CRACR2A: variants seen among roughly 807,000 people sequenced by gnomAD.
The protein encoded by CRACR2A is calcium release activated channel regulator 2A, also known as EF-hand calcium-binding domain-containing protein 4B.
CRACR2A carries 79 observed loss-of-function variants against 90.5 expected under a neutral mutation model. That is an observed-to-expected ratio of 0.87 (90% CI 0.73 to 1.05). CRACR2A has a LOEUF of 1.05. CRACR2A is among the 50% of genes least tolerant of loss of function. The probability of loss-of-function intolerance (pLI) is 0.00; values close to 1 mark genes in which losing one functional copy is unlikely to be tolerated. For missense variants in CRACR2A, 823 were observed against 897.2 expected, an observed-to-expected ratio of 0.92 and a Z score of 1.06; for synonymous variants, 338 against 356.7, an observed-to-expected ratio of 0.95 and a Z score of 0.59.
chr12:3,716,242 T>A (rs1199093773), intron 2 of CRACR2A, among the ~76,000 whole-genome samples: 1 of 152,226 alleles, frequency 6.6e-6, no homozygotes, highest in Non-Finnish European at 1.5e-5. Context: ...ACATTTGCTT[T>A]AACTGGGCCA....
At chr12:3,657,041 A>AG (rs1431014768) in intron 8 of CRACR2A, among the ~76,000 whole-genome samples, 2 of 152,278 alleles carry the variant, frequency 1.3e-5, no homozygotes, top group East Asian at 3.9e-4. Flanking sequence ...GCAGGTGAGA[A>AG]GGGGCCTGGC....
intron 17 of CRACR2A, among the ~76,000 whole-genome samples, chr12:3,625,021 T>C (rs926464587): frequency 1.3e-5 from 2 of 152,224 alleles, no homozygotes; most frequent in Non-Finnish European, 2.9e-5. Flanking sequence ...GCTCCACGTG[T>C]GATCCTGATG....
chr12:3,734,209 C>T (rs1417898667), intron 1 of CRACR2A, among the ~76,000 whole-genome samples: 3 of 151,900 alleles, frequency 2.0e-5, no homozygotes, highest in Non-Finnish European at 4.4e-5. Context: ...TATCTCCTGA[C>T]CTCGTGATCT....
At chr12:3,694,043 G>A (rs1199664673) in intron 4 of CRACR2A, among the ~76,000 whole-genome samples, 5 of 152,112 alleles carry the variant, frequency 3.3e-5, no homozygotes, top group African/African-American at 7.2e-5. Flanking sequence ...GAGTTGTTGG[G>A]GGCTGGGAAT....
At chr12:3,637,465 C>A (rs796115356) in intron 14 of CRACR2A, among the ~76,000 whole-genome samples, 69 of 152,254 alleles carry the variant, frequency 4.5e-4, no homozygotes, top group African/African-American at 1.5e-3. Flanking sequence ...TCAATCTTTT[C>A]TTCTTTAATT....
At chr12:3,741,329 C>A (rs16930752) in intron 1 of CRACR2A, among the ~76,000 whole-genome samples, 21,947 of 152,128 alleles carry the variant, frequency 0.14, 1,725 homozygotes, top group Middle Eastern at 0.17. Context: ...AATCACCTAA[C>A]TGAATTGTGC....
At chr12:3,689,564 C>CT (rs2137663970) in intron 4 of CRACR2A, among the ~76,000 whole-genome samples, 1 of 152,232 alleles carries the variant, frequency 6.6e-6, no homozygotes, top group African/African-American at 2.4e-5. Flanking sequence ...GGTGAGTAAG[C>CT]TTTTTGGTGT....
chr12:3,652,455 T>TG (rs924281737), intron 10 of CRACR2A, among the ~76,000 whole-genome samples: 1 of 152,182 alleles, frequency 6.6e-6, no homozygotes, highest in African/African-American at 2.4e-5. Flanking sequence ...GGAGTTTTTT[T>TG]GTTTTTGCTT....
In CRACR2A at chr12:3,685,948, G is replaced by A. The variant is rs141674514; in HGVS notation, c.229-5599C>T. Among the ~76,000 whole-genome samples, 148 of 152,316 alleles carry A rather than the reference G, an allele frequency of 9.7e-4. 1 individual carries two copies. The highest frequency in any genetic ancestry group is 3.4e-3 in the African/African-American group (141 of 41,570). ...CAATGCAGAGGACATCAGGTACTGG[G>A]CTAAGATGTGGCACATACACAGTGC... On this transcript the variant is annotated intron_variant, in intron 4 of 19. Coordinates refer to ENST00000440314, the MANE Select transcript of CRACR2A (RefSeq NM_001144958.2).
At position 3,619,296 on chromosome 12, in the gene CRACR2A, C is replaced by T. The variant is rs1243631236; in HGVS notation, c.2009G>A (p.Arg670Gln). The change falls in exon 18 of 20, where the codon CGG (arginine) becomes CAG (glutamine). Residue 670 changes from arginine to glutamine, a missense_variant. By Grantham distance (43) the Arg-to-Gln change is conservative (BLOSUM62 1). Coordinates refer to ENST00000440314, the MANE Select transcript of CRACR2A (RefSeq NM_001144958.2). Reference protein sequence around the residue: ...LDNEKEREVPRGLGEQLATEN... With the variant: ...LDNEKEREVPQGLGEQLATEN... The stretch of plus-strand genomic sequence containing the variant: ...CGTGGCAAGCTGCTCTCCGAGGCCC[C>T]GGGGGACTTCCCGCTCCTTCTCGTT... 9.0e-6 allele frequency: 14 copies of T among 1,551,528 alleles called. No individual in the cohort carries two copies. Among genetic ancestry groups the T allele is most frequent in the South Asian group, 4.8e-5 (4 of 84,064 alleles).
intron 1 of CRACR2A, among the ~76,000 whole-genome samples, chr12:3,737,809 C>T (rs1946468810): frequency 6.6e-6 from 1 of 152,202 alleles, no homozygotes; most frequent in African/African-American, 2.4e-5. Context: ...CCTTTGAATT[C>T]CAAGGCATCA....
At chr12:3,656,894 C>A (rs150608270) in intron 8 of CRACR2A, among the ~76,000 whole-genome samples, 37 of 152,336 alleles carry the variant, frequency 2.4e-4, no homozygotes, top group African/African-American at 8.9e-4. Context: ...AAACACAGGG[C>A]CATTTCCTCT....
chr12:3,665,922 G>C (rs1368634534), intron 7 of CRACR2A, among the ~76,000 whole-genome samples: 1 of 152,186 alleles, frequency 6.6e-6, no homozygotes, highest in African/African-American at 2.4e-5. Context: ...GCATCTAAGA[G>C]TACTGAGCCC....
At chr12:3,681,801 C>G (rs1241398295) in intron 4 of CRACR2A, among the ~76,000 whole-genome samples, 1 of 152,212 alleles carries the variant, frequency 6.6e-6, no homozygotes, top group African/African-American at 2.4e-5. Context: ...GCAGTTCTAG[C>G]TGATAAGCCA....
At chr12:3,672,571 C>G (rs1945264441) in intron 7 of CRACR2A, among the ~76,000 whole-genome samples, 1 of 152,226 alleles carries the variant, frequency 6.6e-6, no homozygotes, top group Non-Finnish European at 1.5e-5. Context: ...TATGAACCAT[C>G]CCTAGTCATA....
At chr12:3,650,843 T>C (rs1263755939) in intron 10 of CRACR2A, among the ~76,000 whole-genome samples, 1 of 152,230 alleles carries the variant, frequency 6.6e-6, no homozygotes, top group Non-Finnish European at 1.5e-5. Context: ...ACATATGTAT[T>C]AGAAATACAT....
chr12:3,696,730 C>G, intron 4 of CRACR2A, 42 bp downstream of exon 4: 1 of 1,612,762 alleles, frequency 6.2e-7, no homozygotes, highest in South Asian at 1.1e-5. Context: ...AGGAAGACAT[C>G]TGGCATTCTC....
intron 2 of CRACR2A, among the ~76,000 whole-genome samples, chr12:3,718,272 C>T (rs1326794292): frequency 6.6e-6 from 1 of 152,206 alleles, no homozygotes; most frequent in Admixed American, 6.5e-5. Flanking sequence ...TAGGTCAGGA[C>T]CCAGGGGCGT....
At chr12:3,683,425 G>A (rs892350824) in intron 4 of CRACR2A, among the ~76,000 whole-genome samples, 1 of 152,138 alleles carries the variant, frequency 6.6e-6, no homozygotes, top group African/African-American at 2.4e-5. Context: ...GTGGGCCAGG[G>A]AAAAAGAGAG....
Sources: gnomAD v4.1 joint callset for allele counts (sites outside exome capture counted in the v4.1 genomes callset) on GRCh38, gnomAD v4.1.1 for gene constraint, MANE v1.5 for transcripts, NCBI Gene and HGNC (gene_info 2026-07-23, HGNC 2026-07-21) for gene names.